COLEC10: variants seen among roughly 807,000 people sequenced by gnomAD.
COLEC10 encodes collectin subfamily member 10.
A neutral mutation model predicts 28.4 loss-of-function variants in COLEC10; 22 were observed. The ratio of observed to expected loss-of-function variants is 0.78; its 90% CI spans 0.55 to 1.11. The LOEUF is 1.11. Among genes scored for constraint, COLEC10 ranks in the 50% least tolerant of loss-of-function variants. The probability of loss-of-function intolerance (pLI) is 0.00; values close to 1 mark genes in which losing one functional copy is unlikely to be tolerated. For missense variants in COLEC10, 361 were observed against 344.1 expected (o/e 1.05, Z -0.39); for synonymous variants, 125 against 116.1 (o/e 1.08, Z -0.49).
chr8:119,067,957 A>G (rs77510209), intron 1 of COLEC10: 5,954 of 152,300 alleles, frequency 0.039, 226 homozygotes, highest in East Asian at 0.2. Flanking sequence ...ATAAATGAAC[A>G]TTTCTTTATT....
chr8:118,992,257 T>G (rs2130039729), upstream of COLEC10, among the ~76,000 whole-genome samples: 1 of 152,276 alleles, frequency 6.6e-6, no homozygotes, highest in Non-Finnish European at 1.5e-5. Flanking sequence ...TGAAAGGATC[T>G]TTTTAAAAAT....
At chr8:119,087,751 C>T (rs1054202258) in intron 1 of COLEC10, among the ~76,000 whole-genome samples, 8 of 152,072 alleles carry the variant, frequency 5.3e-5, no homozygotes, top group African/African-American at 9.7e-5. Context: ...GTCACAGAAC[C>T]TAGACCAAAA....
chr8:119,067,114 C>A (rs1350184637), upstream of COLEC10: 4 of 606,166 alleles, frequency 6.6e-6, no homozygotes, highest in Admixed American at 3.0e-5. Context: ...CCATTTGGAG[C>A]ACTGAGAAAA....
intron 2 of COLEC10, among the ~76,000 whole-genome samples, chr8:119,054,980 T>C (rs144682258): frequency 8.3e-4 from 127 of 152,196 alleles, no homozygotes; most frequent in Non-Finnish European, 1.6e-3. Flanking sequence ...GAATTTTATA[T>C]GATGTAAGCG....
At chr8:119,084,156 C>G (rs1815422543) in intron 1 of COLEC10, among the ~76,000 whole-genome samples, 1 of 152,116 alleles carries the variant, frequency 6.6e-6, no homozygotes, top group Admixed American at 6.6e-5. Flanking sequence ...AGTGAGGGAG[C>G]CACCCCCAGG....
chr8:119,030,696 C>T (rs922597724), intron 2 of COLEC10, among the ~76,000 whole-genome samples: 1 of 152,132 alleles, frequency 6.6e-6, no homozygotes, highest in African/African-American at 2.4e-5. Context: ...ATGCAGTGAG[C>T]TTAGAATAAC....
chr8:118,995,401 G>A (rs1813573045), upstream of COLEC10: 1 of 152,180 alleles, frequency 6.6e-6, no homozygotes, highest in African/African-American at 2.4e-5. Flanking sequence ...CGAATTGGAT[G>A]CAACACTGAA....
chr8:119,093,631 A>G (rs908625607), intron 3 of COLEC10, among the ~76,000 whole-genome samples: 1 of 152,184 alleles, frequency 6.6e-6, no homozygotes, highest in South Asian at 2.1e-4. Flanking sequence ...TTCACCTCAA[A>G]TGATTAAAAT....
At chr8:119,055,888 A>G in intron 2 of COLEC10, among the ~76,000 whole-genome samples, 1 of 151,960 alleles carries the variant, frequency 6.6e-6, no homozygotes, top group Admixed American at 6.6e-5. Flanking sequence ...TTGAGCTCTC[A>G]TTCACTCCAA....
upstream of COLEC10, among the ~76,000 whole-genome samples, chr8:118,994,456 T>C (rs1421308916): frequency 6.6e-6 from 1 of 152,202 alleles, no homozygotes; most frequent in Non-Finnish European, 1.5e-5. Flanking sequence ...TAAATAATAC[T>C]AATAGTGTTT....
At chr8:119,063,615 G>C (rs1460947437), upstream of COLEC10, among the ~76,000 whole-genome samples, 1 of 151,730 alleles carries the variant, frequency 6.6e-6, no homozygotes, top group African/African-American at 2.4e-5. Context: ...CTCATCTTGA[G>C]ACTCTTAGCT....
rs1267395981 is a variant in COLEC10, at chr8:119,059,607, G to T, written n.236-30073G>T. On this transcript the variant is annotated intron_variant and non_coding_transcript_variant, in intron 2 of 6. Coordinates refer to the COLEC10 transcript ENST00000521788. ...CCATATTGAGCCTATCTCTGTGAAA[G>T]CAAAGTTGGTGGATTTTCTTGCTGT... Among the ~76,000 whole-genome samples the T allele has an allele frequency of 2.0e-5, 3 of 152,062 alleles. No homozygotes were observed. The East Asian group carries it at 5.8e-4, about 29-fold the overall frequency.
chr8:119,085,056 A>C (rs551553082), intron 1 of COLEC10, among the ~76,000 whole-genome samples: 1 of 152,202 alleles, frequency 6.6e-6, no homozygotes, highest in Non-Finnish European at 1.5e-5. Flanking sequence ...CAGCAATCCT[A>C]TGAGGTTGGG....
upstream of COLEC10, among the ~76,000 whole-genome samples, chr8:118,994,522 T>C (rs1813558622): frequency 6.6e-6 from 1 of 152,212 alleles, no homozygotes; most frequent in East Asian, 1.9e-4. Flanking sequence ...TGTTTAATAC[T>C]CACATTAGGT....
intron 4 of COLEC10, 177 bp downstream of exon 4, chr8:119,102,578 C>T: frequency 1.8e-6 from 1 of 558,008 alleles, no homozygotes; most frequent in Non-Finnish European, 3.1e-6. Context: ...GGTGACTTTC[C>T]AAGCCTTGGG....
the COLEC10 span, among the ~76,000 whole-genome samples, chr8:118,984,928 T>C: frequency 1.3e-5 from 2 of 152,110 alleles, no homozygotes. Context: ...AACTCCCATT[T>C]TTTAAAACCA....
chr8:119,092,223 C>T (rs955541070), intron 3 of COLEC10, among the ~76,000 whole-genome samples: 3 of 151,966 alleles, frequency 2.0e-5, no homozygotes, highest in Non-Finnish European at 4.4e-5. Context: ...ATGCCCACCA[C>T]CACGCCCAGC....
intron 2 of COLEC10, among the ~76,000 whole-genome samples, chr8:119,041,113 T>A (rs1814486745): frequency 6.6e-6 from 1 of 152,194 alleles, no homozygotes. Context: ...ACACAAATCC[T>A]TGTCTAAGGG....
At chr8:119,074,195 TAGAA>T (rs1381534790) in intron 1 of COLEC10, among the ~76,000 whole-genome samples, 1 of 151,874 alleles carries the variant, frequency 6.6e-6, no homozygotes, top group African/African-American at 2.4e-5. Flanking sequence ...ACAAAAATAA[TAGAA>T]AGAATGAATA....
Sources: allele counts gnomAD v4.1 joint callset (sites outside exome capture counted in the v4.1 genomes callset), GRCh38; gene constraint gnomAD v4.1.1; transcripts MANE v1.5; gene names NCBI Gene and HGNC (gene_info 2026-07-23, HGNC 2026-07-21).